WWP1: variants seen among roughly 807,000 people sequenced by gnomAD.
WWP1 encodes the protein NEDD4-like E3 ubiquitin-protein ligase WWP1.
Under a neutral mutation model 130.6 loss-of-function variants are expected in WWP1, and 49 were observed. That is an observed-to-expected ratio of 0.38 (90% confidence interval 0.30 to 0.48). The LOEUF (loss-of-function observed/expected upper bound fraction) is 0.48. Ranked by LOEUF, WWP1 falls within the 20% of genes least tolerant of loss-of-function variation. The probability of loss-of-function intolerance (pLI) is 0.99; values close to 1 mark genes in which losing one functional copy is unlikely to be tolerated. For missense variants in WWP1, 809 were observed against 1,100.6 expected (o/e 0.74, Z 3.75); for synonymous variants, 332 against 367.8 (o/e 0.90, Z 1.11).
intron 5 of WWP1, among the ~76,000 whole-genome samples, chr8:86,384,252 G>T (rs1825157842): frequency 6.6e-6 from 1 of 152,136 alleles, no homozygotes; most frequent in Non-Finnish European, 1.5e-5. Flanking sequence ...TACGAATTTG[G>T]TGGGGGACAC....
intron 1 of WWP1, among the ~76,000 whole-genome samples, chr8:86,364,829 A>G (rs867844923): frequency 1.6e-4 from 19 of 121,836 alleles, no homozygotes; most frequent in South Asian, 2.5e-4. Context: ...GAAAGAAAGA[A>G]AGAAAGAGAG....
At chr8:86,361,964 G>GTA (rs1823628326) in intron 1 of WWP1, among the ~76,000 whole-genome samples, 1 of 53,660 alleles carries the variant, frequency 1.9e-5, no homozygotes, top group East Asian at 5.7e-4. Flanking sequence ...AATATGCCTA[G>GTA]TGTGTGTGTG....
chr8:86,436,278 C>G (rs1810286340), intron 16 of WWP1, among the ~76,000 whole-genome samples: 1 of 152,096 alleles, frequency 6.6e-6, no homozygotes, highest in Non-Finnish European at 1.5e-5. Context: ...AATTTATTAC[C>G]TCAAAGTTTT....
chr8:86,419,378 A>G (rs562046027), intron 9 of WWP1, among the ~76,000 whole-genome samples: 2 of 152,352 alleles, frequency 1.3e-5, no homozygotes, highest in East Asian at 1.9e-4. Flanking sequence ...AGATCACACC[A>G]CTGCAGTCCA....
At chr8:86,452,731 T>C (rs1412216106) in intron 21 of WWP1, 52 bp downstream of exon 21, 2 of 1,593,212 alleles carry the variant, frequency 1.3e-6, no homozygotes, top group Admixed American at 1.8e-5. Flanking sequence ...GGGGAGGGAC[T>C]AATTTAGTGC....
At chr8:86,436,818 TAC>T (rs1810311426) in intron 16 of WWP1, among the ~76,000 whole-genome samples, 1 of 152,184 alleles carries the variant, frequency 6.6e-6, no homozygotes. Context: ...TACTCAGGCA[TAC>T]AGGGACTTTT....
chr8:86,446,794 A>G (rs879461674), intron 18 of WWP1, among the ~76,000 whole-genome samples: 6 of 152,220 alleles, frequency 3.9e-5, no homozygotes, highest in Non-Finnish European at 8.8e-5. Flanking sequence ...AATATAAGGA[A>G]TATGAGAGCA....
intron 23 of WWP1, 187 bp from the exon 24 acceptor site, chr8:86,461,587 A>T: frequency 1.6e-6 from 1 of 638,238 alleles, no homozygotes; most frequent in Non-Finnish European, 2.8e-6. Context: ...TTTTCTTCCC[A>T]ATGATCTAAT....
intron 9 of WWP1, among the ~76,000 whole-genome samples, chr8:86,422,323 T>TATGTATG (rs769712215): frequency 0.36 from 25,353 of 69,488 alleles, 3,359 homozygotes; most frequent in African/African-American, 0.48. Context: ...CAGTTTGTAT[T>TATGTATG]TATTTATTTA....
chr8:86,465,251 A>G (rs1811996099), intron 24 of WWP1, among the ~76,000 whole-genome samples: 1 of 152,148 alleles, frequency 6.6e-6, no homozygotes. Flanking sequence ...CCCCACCCAT[A>G]GCAACTCGAA....
At chr8:86,371,086 C>T (rs1273163725) in intron 2 of WWP1, among the ~76,000 whole-genome samples, 26 of 149,416 alleles carry the variant, frequency 1.7e-4, no homozygotes, top group Non-Finnish European at 8.9e-5. Context: ...CCATGTTGGC[C>T]AGGCTGTTCT....
chr8:86,438,053 G>A (rs1810395781), intron 16 of WWP1, among the ~76,000 whole-genome samples: 1 of 152,180 alleles, frequency 6.6e-6, no homozygotes, highest in East Asian at 1.9e-4. Context: ...ACCTGCCTTG[G>A]CCTTCCAAAG....
At position 86,466,738 on chromosome 8, in the gene WWP1, A is replaced by G. The variant is rs1490813765; in HGVS notation, c.2670-56A>G. The G allele has an allele frequency of 4.2e-6, 5 of 1,194,432 alleles. No individual in the cohort carries two copies. The African/African-American group carries it at 4.6e-5, about 11-fold the overall frequency. The allele number at this position is 1,194,432 out of a possible 1,614,324, so 74.0% of individuals were successfully genotyped here. ...TTCTATGTGCTTTGAAAAGTATTCT[A>G]TTAGATTTTTTTCATTTTATTGAAA... is the stretch of plus-strand genomic sequence containing the variant. On this transcript the variant is annotated intron_variant, in intron 24 of 24. Coordinates refer to ENST00000517970, the MANE Select transcript of WWP1 (RefSeq NM_007013.4).
intron 14 of WWP1, among the ~76,000 whole-genome samples, chr8:86,432,504 A>C (rs183026759): frequency 2.7e-3 from 415 of 151,844 alleles, no homozygotes; most frequent in African/African-American, 9.4e-3. Context: ...TTTCTCTACA[A>C]AATTATTCTT....
chr8:86,445,986 T>C (rs866431891), intron 18 of WWP1, among the ~76,000 whole-genome samples: 4 of 107,972 alleles, frequency 3.7e-5, no homozygotes, highest in Admixed American at 8.6e-5. Flanking sequence ...CTTTTTTTTT[T>C]TTTTTTTTTT....
intron 24 of WWP1, among the ~76,000 whole-genome samples, chr8:86,466,102 T>A (rs1325963169): frequency 6.6e-5 from 10 of 152,194 alleles, no homozygotes. Context: ...AACACCCGAA[T>A]CCTAATCTAG....
chr8:86,465,321 AAAG>A, intron 24 of WWP1, among the ~76,000 whole-genome samples: 1 of 140,004 alleles, frequency 7.1e-6, no homozygotes, highest in African/African-American at 2.5e-5. Flanking sequence ...AAAAAGTAAA[AAAG>A]AAACAAAACA....
intron 14 of WWP1, among the ~76,000 whole-genome samples, chr8:86,434,743 C>T (rs1191795313): frequency 1.3e-5 from 2 of 152,146 alleles, no homozygotes; most frequent in African/African-American, 4.8e-5. Flanking sequence ...AGAAGAAAGC[C>T]AGGTACCAGC....
At chr8:86,375,694 A>G (rs1824605643) in intron 3 of WWP1, among the ~76,000 whole-genome samples, 1 of 152,158 alleles carries the variant, frequency 6.6e-6, no homozygotes, top group African/African-American at 2.4e-5. Context: ...TTGGCGTTCC[A>G]CTGTTTGCTA....
Sources: gnomAD v4.1 joint callset for allele counts (sites outside exome capture counted in the v4.1 genomes callset) on GRCh38, gnomAD v4.1.1 for gene constraint, MANE v1.5 for transcripts, NCBI Gene and HGNC (gene_info 2026-07-23, HGNC 2026-07-21) for gene names.